Variants in LRCH3 observed in about 807,000 individuals in gnomAD.
LRCH3 encodes the protein DISP complex protein LRCH3.
In LRCH3, 68 loss-of-function variants were observed where a neutral mutation model predicts 104.5. The observed-to-expected ratio is 0.65, with a 90% CI of 0.54 to 0.80. The LOEUF is 0.80. Ranked by LOEUF, LRCH3 falls within the 30% of genes least tolerant of loss-of-function variation. The pLI, the probability that LRCH3 is intolerant of heterozygous loss-of-function variation, is 0.00. For missense variants in LRCH3, 951 were observed against 953.9 expected (o/e 1.00, Z 0.04); for synonymous variants, 344 against 361.3 (o/e 0.95, Z 0.54).
chr3:197,812,504 G>GTTTGTTTTTTTTTTT (rs1733251840), intron 1 of LRCH3, among the ~76,000 whole-genome samples: 1 of 48,976 alleles, frequency 2.0e-5, no homozygotes, highest in Non-Finnish European at 3.5e-5. Flanking sequence ...TCTGCTTTCA[G>GTTTGTTTTTTTTTTT]TTTTTTTTTT....
intron 4 of LRCH3, among the ~76,000 whole-genome samples, chr3:197,821,268 A>T (rs2109222002): frequency 6.6e-6 from 1 of 152,328 alleles, no homozygotes; most frequent in South Asian, 2.1e-4. Flanking sequence ...AGACTGCGCT[A>T]AGAGACGGGT....
At chr3:197,866,683 G>A (rs972219001) in intron 17 of LRCH3, among the ~76,000 whole-genome samples, 6 of 152,170 alleles carry the variant, frequency 3.9e-5, no homozygotes, top group Non-Finnish European at 7.3e-5. Flanking sequence ...CTTTTATCAT[G>A]GTGGTGTGTG....
intron 20 of LRCH3, among the ~76,000 whole-genome samples, chr3:197,877,697 T>C (rs895813235): frequency 1.3e-5 from 2 of 152,194 alleles, no homozygotes; most frequent in Non-Finnish European, 1.5e-5. Flanking sequence ...CCAGCAGGAT[T>C]CCCAGGATTG....
Position 197,865,463 on chromosome 3 carries a change from C to CTTCTGT in LRCH3, c.1757_1758insTTCTGT (p.Thr586_Glu587insSerVal). On this transcript the variant is annotated inframe_insertion, in exon 16 of 21. Transcript: ENST00000425562. ...AATGCTCTATTAAGTTCACCTGCAA[C>CTTCTGT]AGAAACAGGTAATAGACACAAAGGT... The CTTCTGT allele has an allele frequency of 6.5e-7, 1 of 1,548,778 alleles. No homozygotes were observed. Among genetic ancestry groups the CTTCTGT allele is most frequent in the African/African-American group, 1.4e-5 (1 of 71,002 alleles).
chr3:197,868,031 CA>C (rs371231580), intron 17 of LRCH3, among the ~76,000 whole-genome samples: 2 of 151,270 alleles, frequency 1.3e-5, no homozygotes, highest in East Asian at 3.9e-4. Context: ...CTCAAAAAAA[CA>C]AAAAAAACAC....
In LRCH3 at chr3:197,798,096, TA is replaced by T. The variant is rs140217517; in HGVS notation, c.262+6563del. Among the ~76,000 whole-genome samples the T allele has an allele frequency of 4.6e-5, 7 of 151,870 alleles. No homozygotes were observed. The South Asian group carries it at 1.5e-3, about 32-fold the overall frequency. ...GGGCAACATCGCAAACCTCGTCTCT[TA>T]AAAAAATACAAAAATTAGACAGTTG... is the stretch of plus-strand genomic sequence containing the variant. On this transcript the variant is annotated intron_variant, in intron 1 of 20. Transcript: ENST00000425562.
At chr3:197,848,548 G>A (rs1166154613) in intron 12 of LRCH3, 1 of 152,360 alleles carries the variant, frequency 6.6e-6, no homozygotes, top group Admixed American at 6.6e-5. Context: ...TATTTTACCT[G>A]TATTGCTTAT....
At chr3:197,873,684 C>G (rs1352940480) in intron 19 of LRCH3, among the ~76,000 whole-genome samples, 1 of 152,100 alleles carries the variant, frequency 6.6e-6, no homozygotes, top group Non-Finnish European at 1.5e-5. Flanking sequence ...ACGATCATGC[C>G]ACTGCACAAC....
At position 197,810,007 on chromosome 3, in the gene LRCH3, C is replaced by G. The variant is rs1410255283; in HGVS notation, c.263-4901C>G. Among the ~76,000 whole-genome samples the G allele has an allele frequency of 2.0e-5, 3 of 152,070 alleles. No individual in the cohort carries two copies. Among genetic ancestry groups the G allele is most frequent in the African/African-American group, 7.2e-5 (3 of 41,388 alleles). On this transcript the variant is annotated intron_variant, in intron 1 of 20. Coordinates refer to ENST00000425562, the MANE Select transcript of LRCH3 (RefSeq NM_001365715.1). The surrounding 1 kb of genome is among the most constrained non-coding windows in gnomAD (Gnocchi z 4.0). The stretch of plus-strand genomic sequence containing the variant: ...CAAGGATGGAAATTTAGGATCCCCA[C>G]GTAACCTTTGAGTAGGGGTGAGGCT...
At position 197,856,099 on chromosome 3, in the gene LRCH3, A is replaced by G. The variant is rs899215796; in HGVS notation, c.1644+1654A>G. Among the ~76,000 whole-genome samples the G allele has an allele frequency of 1.3e-5, 2 of 152,114 alleles. No individual in the cohort carries two copies. Among genetic ancestry groups the G allele is most frequent in the African/African-American group, 4.8e-5 (2 of 41,412 alleles). ...GCCCTTTCCCATCTCAGACCTTTGC[A>G]AATGCTGTTTCTTTTACATAGAATG... is the stretch of plus-strand genomic sequence containing the variant. On this transcript the variant is annotated intron_variant, in intron 14 of 20. Coordinates refer to ENST00000425562, the MANE Select transcript of LRCH3 (RefSeq NM_001365715.1). The surrounding 1 kb of genome is among the most constrained non-coding windows in gnomAD (Gnocchi z 4.2).
chr3:197,873,400 G>A (rs1360239130), intron 19 of LRCH3, among the ~76,000 whole-genome samples: 1 of 152,122 alleles, frequency 6.6e-6, no homozygotes, highest in Non-Finnish European at 1.5e-5. Flanking sequence ...TAAGCCCATA[G>A]CCAGTGACGG....
chr3:197,871,685 G>C (rs2109527947), intron 19 of LRCH3: 3 of 448,382 alleles, frequency 6.7e-6, no homozygotes, highest in Middle Eastern at 6.0e-4. Context: ...GTGTGTTATA[G>C]GGATATAAAA....
intron 4 of LRCH3, among the ~76,000 whole-genome samples, chr3:197,825,525 G>GCTGGAGT (rs1190961417): frequency 9.0e-6 from 1 of 111,462 alleles, no homozygotes; most frequent in East Asian, 3.0e-4. Context: ...TGTCTCCCAG[G>GCTGGAGT]CTGGAGTGCA....
rs1329435610 is a variant in LRCH3 at position 197,810,224 on chromosome 3, T to C, written c.263-4684T>C. The stretch of plus-strand genomic sequence containing the variant: ...CAGGTTGGAGTTCAGTGGCACGATC[T>C]TGGCTCACTGCAGCCTCCGCCTCCT... On this transcript the variant is annotated intron_variant, in intron 1 of 20. Coordinates refer to ENST00000425562, the MANE Select transcript of LRCH3 (RefSeq NM_001365715.1). This position sits in a 1 kb window ranked among gnomAD's most constrained non-coding sequence, Gnocchi z 4.0. 6.6e-6 allele frequency among the ~76,000 whole-genome samples: 1 copy of C among 152,198 alleles called. No individual in the cohort carries two copies. Among genetic ancestry groups the C allele is most frequent in the Non-Finnish European group, 1.5e-5 (1 of 68,028 alleles).
chr3:197,792,258 C>CAT (rs1730613940), intron 1 of LRCH3, among the ~76,000 whole-genome samples: 1 of 151,738 alleles, frequency 6.6e-6, no homozygotes, highest in Admixed American at 6.6e-5. Context: ...TCTTCCACTC[C>CAT]TCATGTCCTC....
intron 16 of LRCH3, 84 bp downstream of exon 16, chr3:197,865,555 G>A (rs992831985): frequency 7.7e-6 from 7 of 909,748 alleles, no homozygotes; most frequent in South Asian, 2.1e-5. Flanking sequence ...AAATAGAGAC[G>A]AGGCCTTTCT....
At chr3:197,855,740 G>A (rs934614908) in intron 14 of LRCH3, among the ~76,000 whole-genome samples, 17 of 152,200 alleles carry the variant, frequency 1.1e-4, no homozygotes, top group Admixed American at 7.9e-4. Flanking sequence ...CCCTTAGTGC[G>A]TAACTTGAAA....
chr3:197,873,690 A>G (rs1228331170), intron 19 of LRCH3, among the ~76,000 whole-genome samples: 2 of 152,190 alleles, frequency 1.3e-5, no homozygotes, highest in Non-Finnish European at 1.5e-5. Flanking sequence ...ATGCCACTGC[A>G]CAACAACCTG....
intron 2 of LRCH3, among the ~76,000 whole-genome samples, chr3:197,816,827 A>C (rs1283841335): frequency 6.6e-6 from 1 of 152,164 alleles, no homozygotes; most frequent in Non-Finnish European, 1.5e-5. Flanking sequence ...ACCTTTTAAA[A>C]AATCTTTTCC....
Sources: gnomAD v4.1 joint callset for allele counts (sites outside exome capture counted in the v4.1 genomes callset) on GRCh38, gnomAD v4.1.1 for gene constraint, Gnocchi (gnomAD v3.1) non-coding constraint, MANE v1.5 for transcripts, NCBI Gene and HGNC (gene_info 2026-07-23, HGNC 2026-07-21) for gene names.